TENM2: variants seen among roughly 807,000 people sequenced by gnomAD.
TENM2 encodes teneurin-2.
TENM2 carries 52 observed loss-of-function variants against 245.2 expected under a neutral mutation model. The observed-to-expected ratio is 0.21, with a 90% CI of 0.17 to 0.27. TENM2 has a LOEUF of 0.27. Among genes scored for constraint, TENM2 ranks in the 10% least tolerant of loss-of-function variants. TENM2 has a pLI of 1.00. For missense variants in TENM2, 3,046 were observed against 3,666.8 expected, an observed-to-expected ratio of 0.83 and a Z score of 4.37; for synonymous variants, 1,363 against 1,438.9, an observed-to-expected ratio of 0.95 and a Z score of 1.19.
chr5:167,303,992 G>C (rs991861890), intron 1 of TENM2, among the ~76,000 whole-genome samples: 11 of 152,192 alleles, frequency 7.2e-5, no homozygotes, highest in Admixed American at 6.5e-4. Context: ...AAATGGTTCT[G>C]TAATGGTCAC....
chr5:167,212,249 C>T, the TENM2 span, among the ~76,000 whole-genome samples: 1 of 145,430 alleles, frequency 6.9e-6, no homozygotes, highest in African/African-American at 2.7e-5. Flanking sequence ...GACCTGCAGC[C>T]GCCACCCCAG....
chr5:167,203,990 C>A, the TENM2 span, among the ~76,000 whole-genome samples: 6 of 151,698 alleles, frequency 4.0e-5, no homozygotes, highest in African/African-American at 1.5e-4. Context: ...GTTATAAAGT[C>A]CAGGAAAAAA....
chr5:167,101,849 T>TTTTATATATATA, the TENM2 span, among the ~76,000 whole-genome samples: 6 of 69,456 alleles, frequency 8.6e-5, no homozygotes, highest in South Asian at 6.8e-4. Flanking sequence ...ATATATATAT[T>TTTTATATATATA]TATATATATA....
At chr5:167,035,327 TCC>T in the TENM2 span, among the ~76,000 whole-genome samples, 1 of 152,330 alleles carries the variant, frequency 6.6e-6, no homozygotes, top group Admixed American at 6.5e-5. Context: ...AGATGAGTGA[TCC>T]TCGAAATTTC....
chr5:167,754,656 CA>C (rs2150667026), intron 2 of TENM2, among the ~76,000 whole-genome samples: 1 of 148,396 alleles, frequency 6.7e-6, no homozygotes, highest in South Asian at 2.1e-4. Flanking sequence ...TGTCAGAAAA[CA>C]ACAGAAATTG....
intron 6 of TENM2, among the ~76,000 whole-genome samples, chr5:168,049,630 C>T (rs537056818): frequency 5.9e-5 from 9 of 152,220 alleles, no homozygotes; most frequent in South Asian, 2.1e-4. Flanking sequence ...CAAGAGTATG[C>T]GTCTCTAAAT....
chr5:167,659,978 G>C (rs1391251474), intron 2 of TENM2: 1 of 152,042 alleles, frequency 6.6e-6, no homozygotes, highest in Admixed American at 6.6e-5. Context: ...CCTGAAATAA[G>C]GTAAAAATTA....
intron 2 of TENM2, among the ~76,000 whole-genome samples, chr5:167,625,787 AG>A (rs1248234500): frequency 1.3e-5 from 2 of 152,152 alleles, no homozygotes; most frequent in African/African-American, 4.8e-5. Flanking sequence ...GCCCCAGCTG[AG>A]GTCATCTGAA....
the TENM2 span, among the ~76,000 whole-genome samples, chr5:167,035,845 C>T: frequency 3.9e-5 from 6 of 152,180 alleles, no homozygotes; most frequent in African/African-American, 7.2e-5. Flanking sequence ...CGGGTTCAAG[C>T]GAGTCTCGTG....
intron 2 of TENM2, among the ~76,000 whole-genome samples, chr5:167,826,105 C>T (rs2151066833): frequency 6.6e-6 from 1 of 152,290 alleles, no homozygotes; most frequent in East Asian, 1.9e-4. Context: ...AACAAACAAA[C>T]TAGCAAACAA....
chr5:167,228,738 T>C, the TENM2 span, among the ~76,000 whole-genome samples: 1 of 151,262 alleles, frequency 6.6e-6, no homozygotes, highest in South Asian at 2.1e-4. Flanking sequence ...GGAGTCTCGC[T>C]CTGTCGCCCA....
chr5:167,349,069 A>C (rs1758653724), intron 1 of TENM2, among the ~76,000 whole-genome samples: 1 of 152,186 alleles, frequency 6.6e-6, no homozygotes, highest in South Asian at 2.1e-4. Flanking sequence ...TGTACAATTG[A>C]ATTAACTTTA....
chr5:167,999,296 G>A (rs1784266499), intron 5 of TENM2, among the ~76,000 whole-genome samples: 1 of 152,212 alleles, frequency 6.6e-6, no homozygotes, highest in Admixed American at 6.5e-5. Flanking sequence ...CCTGGGCCCA[G>A]ATGGTCAAAC....
intron 6 of TENM2, among the ~76,000 whole-genome samples, chr5:168,051,144 A>G (rs558441475): frequency 4.4e-4 from 67 of 152,342 alleles, no homozygotes; most frequent in African/African-American, 1.6e-3. Flanking sequence ...TAAAGGGCGC[A>G]TCATACGTAC....
At chr5:167,336,633 GC>G (rs888216178) in intron 1 of TENM2, among the ~76,000 whole-genome samples, 2 of 151,906 alleles carry the variant, frequency 1.3e-5, no homozygotes, top group African/African-American at 4.8e-5. Flanking sequence ...AAACTTAAAT[GC>G]CAGCATATCA....
chr5:167,907,567 ATATATG>A (rs1367907992), intron 3 of TENM2, among the ~76,000 whole-genome samples: 13 of 106,054 alleles, frequency 1.2e-4, no homozygotes, highest in Non-Finnish European at 2.4e-4. Flanking sequence ...ATATATATAT[ATATATG>A]TATGTATTAT....
At chr5:167,334,802 A>C (rs1188900117) in intron 1 of TENM2, among the ~76,000 whole-genome samples, 1 of 152,218 alleles carries the variant, frequency 6.6e-6, no homozygotes, top group Non-Finnish European at 1.5e-5. Context: ...TCTGATTTGC[A>C]AGCATTTTGC....
intron 10 of TENM2, among the ~76,000 whole-genome samples, chr5:168,119,949 T>C (rs1424603134): frequency 6.6e-6 from 1 of 152,204 alleles, no homozygotes; most frequent in East Asian, 1.9e-4. Context: ...GGTTCTCAGA[T>C]GCTAATGGAT....
chr5:167,927,055 T>C (rs1777822154), intron 3 of TENM2, among the ~76,000 whole-genome samples: 1 of 152,162 alleles, frequency 6.6e-6, no homozygotes, highest in African/African-American at 2.4e-5. Context: ...TTGGACTTCT[T>C]GTAGGTAGCC....
Sources: allele counts gnomAD v4.1 joint callset (sites outside exome capture counted in the v4.1 genomes callset), GRCh38; gene constraint gnomAD v4.1.1; transcripts MANE v1.5; gene names NCBI Gene and HGNC (gene_info 2026-07-23, HGNC 2026-07-21).